The following PPFIA2 variants were observed in gnomAD, a reference collection of about 807,000 sequenced individuals.
PPFIA2 encodes PPFI scaffold protein A2.
A neutral mutation model predicts 175.5 loss-of-function variants in PPFIA2; 46 were observed. The observed-to-expected ratio is 0.26, with a 90% CI of 0.21 to 0.34. The LOEUF is 0.34. PPFIA2 is among the 10% of genes least tolerant of loss of function. The pLI is 1.00. For missense variants in PPFIA2, 1,179 were observed against 1,506.1 expected, an observed-to-expected ratio of 0.78 and a Z score of 3.60; for synonymous variants, 568 against 511.4, an observed-to-expected ratio of 1.11 and a Z score of -1.49.
intron 4 of PPFIA2, among the ~76,000 whole-genome samples, chr12:81,549,553 C>T (rs2067551221): frequency 6.6e-6 from 1 of 151,948 alleles, no homozygotes; most frequent in Non-Finnish European, 1.5e-5. Context: ...TTTAAGTATA[C>T]AGGAGTTTTC....
intron 4 of PPFIA2, among the ~76,000 whole-genome samples, chr12:81,661,653 TA>T (rs1567762492): frequency 6.6e-6 from 1 of 152,032 alleles, no homozygotes; most frequent in African/African-American, 2.4e-5. Flanking sequence ...GACAGAAAGT[TA>T]ACAAGGATAT....
intron 4 of PPFIA2, among the ~76,000 whole-genome samples, chr12:81,462,570 GTATATATATATATACATATATATATA>G (rs1555402455): frequency 1.3e-5 from 1 of 74,178 alleles, no homozygotes; most frequent in Non-Finnish European, 2.4e-5. Context: ...ATATATATGT[GTATATATATATATACATATATATATA>G]TATATATATA....
At chr12:81,638,479 AG>A (rs762797455) in intron 4 of PPFIA2, among the ~76,000 whole-genome samples, 1 of 151,968 alleles carries the variant, frequency 6.6e-6, no homozygotes, top group Non-Finnish European at 1.5e-5. Flanking sequence ...GAGAGCCATA[AG>A]TTAGATGATT....
rs1340202423 is a variant in PPFIA2 at position 81,341,044 on chromosome 12, G to A, written c.2393+34C>T. On this transcript the variant is annotated intron_variant, in intron 20 of 32. Transcript: ENST00000549396. The stretch of plus-strand genomic sequence containing the variant: ...GAAGAGGAATATTTTTGGAAGGAGG[G>A]CATTCAGTGTGCAGTGTGCCTGCAG... The A allele has an allele frequency of 2.6e-6, 4 of 1,553,624 alleles. No homozygotes were observed. In the East Asian group the frequency reaches 6.9e-5, roughly 27 times the overall value.
rs1429930195 is a variant in PPFIA2 at position 81,437,309 on chromosome 12, A to G, written c.645+2663T>C. Among the ~76,000 whole-genome samples, 6 of 152,252 alleles carry G rather than the reference A, an allele frequency of 3.9e-5. No homozygotes were observed. The East Asian group carries it at 5.8e-4, about 15-fold the overall frequency. On this transcript the variant is annotated intron_variant, in intron 7 of 32. Coordinates refer to ENST00000549396, the MANE Select transcript of PPFIA2 (RefSeq NM_003625.5). ...CAGTGGCGCGATCTCGGCTCACTGC[A>G]AGCTCTGCCTCCAGGGTTCACGCCA...
intron 7 of PPFIA2, among the ~76,000 whole-genome samples, chr12:81,427,485 A>AT (rs945141159): frequency 2.6e-5 from 4 of 152,078 alleles, no homozygotes; most frequent in African/African-American, 9.7e-5. Flanking sequence ...AGATGCTATT[A>AT]TTTTTATCAA....
intron 21 of PPFIA2, among the ~76,000 whole-genome samples, chr12:81,330,969 A>G (rs2055995558): frequency 2.0e-5 from 3 of 152,350 alleles, no homozygotes; most frequent in African/African-American, 7.2e-5. Context: ...AGACCCTTTC[A>G]CTATGCAGAG....
chr12:81,312,603 C>A (rs935173983), intron 22 of PPFIA2, among the ~76,000 whole-genome samples: 3 of 151,918 alleles, frequency 2.0e-5, no homozygotes. Context: ...TGCTAAGGCC[C>A]AAGAAAAAAG....
At position 81,284,643 on chromosome 12, in the gene PPFIA2, T is replaced by C. The variant is rs370539522; in HGVS notation, c.2926-340A>G. ...AATTTTTGTAATAACGGTGAACTGA[T>C]TAAATTTGAACTGTAGAATAATGTA... On this transcript the variant is annotated intron_variant, in intron 24 of 32. Coordinates refer to ENST00000549396, the MANE Select transcript of PPFIA2 (RefSeq NM_003625.5). Among the ~76,000 whole-genome samples, 203 of 152,332 alleles carry C rather than the reference T, an allele frequency of 1.3e-3. 2 individuals are homozygous for C. Among genetic ancestry groups the C allele is most frequent in the African/African-American group, 4.6e-3 (193 of 41,590 alleles).
At chr12:81,555,800 G>T (rs1384484831) in intron 4 of PPFIA2, among the ~76,000 whole-genome samples, 2 of 151,868 alleles carry the variant, frequency 1.3e-5, no homozygotes, top group Non-Finnish European at 2.9e-5. Context: ...CATGTCTGCA[G>T]ATCAATAAAA....
rs537143017 is a variant in PPFIA2 at position 81,563,251 on chromosome 12, A to T, written c.304-105385T>A. Among the ~76,000 whole-genome samples, 17 of 152,158 alleles carry T rather than the reference A, an allele frequency of 1.1e-4. No homozygotes were observed. In the South Asian group the frequency reaches 3.1e-3, roughly 28 times the overall value. ...AGTCTGGGTCCCCCTTTCTTCTGGC[A>T]TCTCCACTAGATCCTGAGCCTGAAC... is the stretch of plus-strand genomic sequence containing the variant. On this transcript the variant is annotated intron_variant, in intron 4 of 32. Transcript: ENST00000549396.
chr12:81,337,671 A>G (rs2057344116), intron 21 of PPFIA2, among the ~76,000 whole-genome samples: 1 of 152,144 alleles, frequency 6.6e-6, no homozygotes, highest in Non-Finnish European at 1.5e-5. Context: ...TTAAAAGTAA[A>G]GTGTCAATTA....
rs148784942 is a variant in PPFIA2 at position 81,314,385 on chromosome 12, A to G, written c.2642+11392T>C. 1.1e-4 allele frequency among the ~76,000 whole-genome samples: 17 copies of G among 152,020 alleles called. No individual in the cohort carries two copies. In the East Asian group the frequency reaches 3.3e-3, roughly 29 times the overall value. On this transcript the variant is annotated intron_variant, in intron 22 of 32. Transcript: ENST00000549396. ...AAGTGTCAAGGCTATGTTAATAGTA[A>G]GAAAGATTCTGTCAAGAATAAATAT...
Position 81,259,483 on chromosome 12 carries a change from C to A in PPFIA2, c.*211G>T. 1.4e-6 allele frequency: 1 copy of A among 705,690 alleles called. No individual in the cohort carries two copies. Among genetic ancestry groups the A allele is most frequent in the South Asian group, 1.7e-5 (1 of 60,534 alleles). 43.7% of individuals were successfully genotyped at this position (705,690 alleles called of 1,614,324 possible). A position where few individuals can be genotyped will look rare whatever the true frequency, so the allele number is the denominator to read the frequency against. ...TTCAAATGACTTAAGCATTTTATTA[C>A]AATTTGTAGTAAACTAATCAAATGT... On this transcript the variant is annotated 3_prime_UTR_variant, in exon 33 of 33. Transcript: ENST00000549396.
At chr12:81,268,648 C>A (rs550682804) in intron 28 of PPFIA2, among the ~76,000 whole-genome samples, 1 of 152,146 alleles carries the variant, frequency 6.6e-6, no homozygotes, top group South Asian at 2.1e-4. Context: ...GCACTTCAGT[C>A]GCGTAGAACA....
chr12:81,640,240 C>A (rs1239570748), intron 4 of PPFIA2, among the ~76,000 whole-genome samples: 1 of 151,950 alleles, frequency 6.6e-6, no homozygotes, highest in Non-Finnish European at 1.5e-5. Flanking sequence ...CTGAAGAGTT[C>A]TTTACCTATA....
intron 3 of PPFIA2, among the ~76,000 whole-genome samples, chr12:81,707,418 A>G (rs2077317290): frequency 6.6e-6 from 1 of 152,234 alleles, no homozygotes; most frequent in South Asian, 2.1e-4. Context: ...AACACATGAA[A>G]AAATGCTCAC....
intron 24 of PPFIA2, among the ~76,000 whole-genome samples, chr12:81,294,331 G>A (rs904915434): frequency 6.6e-6 from 1 of 151,998 alleles, no homozygotes; most frequent in Non-Finnish European, 1.5e-5. Flanking sequence ...AGTCACTTAA[G>A]CCTTGCATCT....
At chr12:81,430,894 T>C (rs1370856688) in intron 7 of PPFIA2, 1 of 152,160 alleles carries the variant, frequency 6.6e-6, no homozygotes, top group Non-Finnish European at 1.5e-5. Flanking sequence ...TTTCTAAATG[T>C]GAATATTACT....
Sources: allele counts gnomAD v4.1 joint callset (sites outside exome capture counted in the v4.1 genomes callset), GRCh38; gene constraint gnomAD v4.1.1; transcripts MANE v1.5; gene names NCBI Gene and HGNC (gene_info 2026-07-23, HGNC 2026-07-21).